EDIL3: variants seen among roughly 807,000 people sequenced by gnomAD.
EDIL3 encodes EGF-like repeat and discoidin I-like domain-containing protein 3.
A neutral mutation model predicts 67.4 loss-of-function variants in EDIL3; 37 were observed. The observed-to-expected ratio is 0.55, with a 90% CI of 0.42 to 0.72. The LOEUF is 0.72. EDIL3 is among the 30% of genes least tolerant of loss of function. The probability of loss-of-function intolerance (pLI) is 0.00; values close to 1 mark genes in which losing one functional copy is unlikely to be tolerated. For missense variants in EDIL3, 527 were observed against 586.3 expected, an observed-to-expected ratio of 0.90 and a Z score of 1.04; for synonymous variants, 195 against 196.3, an observed-to-expected ratio of 0.99 and a Z score of 0.05.
At chr5:84,098,272 T>A (rs533928220) in intron 6 of EDIL3, among the ~76,000 whole-genome samples, 1 of 152,108 alleles carries the variant, frequency 6.6e-6, no homozygotes, top group Non-Finnish European at 1.5e-5. Flanking sequence ...TACTAATTAG[T>A]GCATGTTTGT....
At chr5:84,283,047 T>C (rs188677851) in intron 1 of EDIL3, among the ~76,000 whole-genome samples, 75 of 152,260 alleles carry the variant, frequency 4.9e-4, no homozygotes, top group African/African-American at 1.6e-3. Flanking sequence ...TTCTTTTTTT[T>C]TTTAACCAAC....
intron 1 of EDIL3, among the ~76,000 whole-genome samples, chr5:84,280,129 T>C (rs1332983798): frequency 1.3e-5 from 2 of 152,200 alleles, no homozygotes; most frequent in South Asian, 2.1e-4. Flanking sequence ...TTGCTTTCTA[T>C]AAAATGCCTA....
rs931923839 is a variant in EDIL3, at chr5:84,319,098, A to C, written c.68-64886T>G. Among the ~76,000 whole-genome samples the C allele has an allele frequency of 2.0e-5, 3 of 152,152 alleles. No homozygotes were observed. In the South Asian group the frequency reaches 6.2e-4, roughly 32 times the overall value. On this transcript the variant is annotated intron_variant, in intron 1 of 10. Transcript: ENST00000296591. The stretch of plus-strand genomic sequence containing the variant: ...TAGAGAAATGCAAATCAAAACCACA[A>C]TGAGATACTATCTCACACCAGCTAG...
At chr5:84,263,671 A>G (rs1745282401) in intron 1 of EDIL3, among the ~76,000 whole-genome samples, 2 of 152,210 alleles carry the variant, frequency 1.3e-5, no homozygotes, top group African/African-American at 4.8e-5. Flanking sequence ...CCTGCCATAG[A>G]AAGTGCTCAA....
intron 6 of EDIL3, among the ~76,000 whole-genome samples, chr5:84,103,916 G>C (rs1561432532): frequency 6.6e-6 from 1 of 151,958 alleles, no homozygotes; most frequent in Admixed American, 6.6e-5. Flanking sequence ...GCACATGCAC[G>C]CCTATGTTCA....
intron 9 of EDIL3, among the ~76,000 whole-genome samples, chr5:83,983,216 A>G (rs1371980390): frequency 6.6e-6 from 1 of 152,064 alleles, no homozygotes; most frequent in Non-Finnish European, 1.5e-5. Flanking sequence ...GGTTTGCAGT[A>G]ATCTGTTTAC....
chr5:84,044,468 T>C (rs1257000879), intron 9 of EDIL3, among the ~76,000 whole-genome samples: 1 of 152,186 alleles, frequency 6.6e-6, no homozygotes, highest in African/African-American at 2.4e-5. Context: ...TACAATTTGT[T>C]ATTCGGAGAG....
chr5:84,208,371 T>C (rs1744032044), intron 3 of EDIL3, among the ~76,000 whole-genome samples: 1 of 152,136 alleles, frequency 6.6e-6, no homozygotes, highest in African/African-American at 2.4e-5. Context: ...CCAGTTACAA[T>C]GGCGATCATT....
chr5:84,010,246 T>C (rs931460254), intron 9 of EDIL3, among the ~76,000 whole-genome samples: 8 of 152,232 alleles, frequency 5.3e-5, no homozygotes, highest in Admixed American at 5.2e-4. Context: ...GAGCATTGTT[T>C]ATATCAAGTA....
At chr5:83,995,569 T>G (rs1745224896) in intron 9 of EDIL3, among the ~76,000 whole-genome samples, 1 of 152,204 alleles carries the variant, frequency 6.6e-6, no homozygotes, top group Admixed American at 6.5e-5. Flanking sequence ...CTTAAAATTT[T>G]TAATAAAATT....
At chr5:84,100,094 GTGGAGAAATAGGAACAATTTTATGCTGT>G (rs1005807284) in intron 6 of EDIL3, among the ~76,000 whole-genome samples, 2 of 152,148 alleles carry the variant, frequency 1.3e-5, no homozygotes, top group Admixed American at 6.5e-5. Context: ...TGGAGTGGAT[GTGGAGAAATAGGAACAATTTTATGCTGT>G]TGGTGGGAGT....
intron 9 of EDIL3, among the ~76,000 whole-genome samples, chr5:83,970,657 A>G (rs201096991): frequency 0.054 from 7,091 of 130,374 alleles, 295 homozygotes; most frequent in South Asian, 0.16. Context: ...ATATATATAT[A>G]TATATATATA....
At chr5:84,176,999 A>G in intron 4 of EDIL3, among the ~76,000 whole-genome samples, 1 of 152,146 alleles carries the variant, frequency 6.6e-6, no homozygotes, top group South Asian at 2.1e-4. Context: ...TGCTAAGGAT[A>G]CAAAACAGCC....
At chr5:83,999,092 T>G (rs1401932672) in intron 9 of EDIL3, among the ~76,000 whole-genome samples, 1 of 152,170 alleles carries the variant, frequency 6.6e-6, no homozygotes, top group Non-Finnish European at 1.5e-5. Flanking sequence ...TGCCCCCTAA[T>G]GCACATGTGG....
intron 4 of EDIL3, among the ~76,000 whole-genome samples, chr5:84,179,082 T>A (rs1341405809): frequency 6.6e-6 from 1 of 152,168 alleles, no homozygotes; most frequent in Non-Finnish European, 1.5e-5. Flanking sequence ...AGACTTGGGG[T>A]GGCCAGTCTG....
chr5:84,204,573 T>C (rs1247794151), intron 3 of EDIL3, among the ~76,000 whole-genome samples: 1 of 152,110 alleles, frequency 6.6e-6, no homozygotes, highest in Non-Finnish European at 1.5e-5. Flanking sequence ...TTAGGCACTA[T>C]CCAATTATTT....
At chr5:84,260,552 G>A (rs1745207604) in intron 1 of EDIL3, among the ~76,000 whole-genome samples, 1 of 152,068 alleles carries the variant, frequency 6.6e-6, no homozygotes, top group Admixed American at 6.6e-5. Flanking sequence ...AACATCTACT[G>A]AACATATACT....
chr5:84,013,187 G>A (rs986261227), intron 9 of EDIL3, among the ~76,000 whole-genome samples: 1 of 151,820 alleles, frequency 6.6e-6, no homozygotes, highest in Non-Finnish European at 1.5e-5. Flanking sequence ...ATACATATGT[G>A]TGTATATATA....
At chr5:84,048,186 T>A (rs1260212863) in intron 9 of EDIL3, 1 of 407,182 alleles carries the variant, frequency 2.5e-6, no homozygotes, top group Non-Finnish European at 4.8e-6. Flanking sequence ...GAACTGTGAT[T>A]TGGAAATCAG....
Sources: gnomAD v4.1 joint callset for allele counts (sites outside exome capture counted in the v4.1 genomes callset) on GRCh38, gnomAD v4.1.1 for gene constraint, MANE v1.5 for transcripts, NCBI Gene and HGNC (gene_info 2026-07-23, HGNC 2026-07-21) for gene names.